Variants in MCMBP observed in about 807,000 individuals in gnomAD.
MCMBP encodes the protein minichromosome maintenance complex binding protein, also known as mini-chromosome maintenance complex-binding protein.
MCMBP carries 31 observed loss-of-function variants against 81.3 expected under a neutral mutation model. The observed-to-expected ratio is 0.38, with a 90% CI of 0.29 to 0.51. MCMBP has a LOEUF of 0.51. MCMBP is among the 20% of genes least tolerant of loss of function. The pLI is 0.87. For synonymous variants in MCMBP, 267 were observed against 275.9 expected (o/e 0.97, Z 0.32); for missense variants, 645 against 772.1 (o/e 0.84, Z 1.95).
intron 5 of MCMBP, among the ~76,000 whole-genome samples, chr10:119,855,750 A>C (rs562505061): frequency 8.5e-5 from 13 of 152,226 alleles, no homozygotes; most frequent in Non-Finnish European, 1.8e-4. Context: ...GATGAAGCAG[A>C]AAACAGAAAA....
At chr10:119,837,211 T>C (rs1412246332) in intron 12 of MCMBP, among the ~76,000 whole-genome samples, 182 bp from the exon 13 acceptor site, 1 of 152,106 alleles carries the variant, frequency 6.6e-6, no homozygotes, top group Non-Finnish European at 1.5e-5. Flanking sequence ...TTGGTCAAGG[T>C]AGAACTTTCT....
intron 12 of MCMBP, among the ~76,000 whole-genome samples, chr10:119,837,885 A>G (rs1161911958): frequency 2.0e-5 from 3 of 152,136 alleles, no homozygotes; most frequent in Non-Finnish European, 4.4e-5. Flanking sequence ...TTAAAAAGCT[A>G]TTTGGGGCAG....
chr10:119,845,776 T>C (rs1412795132), intron 8 of MCMBP, among the ~76,000 whole-genome samples: 1 of 152,128 alleles, frequency 6.6e-6, no homozygotes, highest in African/African-American at 2.4e-5. Flanking sequence ...TGTAGTGGTA[T>C]GGGTTACCAA....
chr10:119,842,442 C>T, intron 10 of MCMBP, 30 bp downstream of exon 10: 1 of 1,596,030 alleles, frequency 6.3e-7, no homozygotes, highest in Non-Finnish European at 8.5e-7. Flanking sequence ...CACCAAACTC[C>T]CCTAATTCCC....
At chr10:119,846,556 T>C (rs1852627292) in intron 8 of MCMBP, among the ~76,000 whole-genome samples, 1 of 152,174 alleles carries the variant, frequency 6.6e-6, no homozygotes, top group Non-Finnish European at 1.5e-5. Flanking sequence ...AAATGTAACT[T>C]TACAGAAGAG....
At chr10:119,849,014 C>A (rs1852716717) in intron 7 of MCMBP, among the ~76,000 whole-genome samples, 1 of 152,144 alleles carries the variant, frequency 6.6e-6, no homozygotes, top group Admixed American at 6.5e-5. Flanking sequence ...GGGGGATTAT[C>A]CTCGATTAAC....
rs561396301 is a variant in MCMBP at position 119,864,453 on chromosome 10, C to T, written c.59-4569G>A. Among the ~76,000 whole-genome samples, 24 of 151,298 alleles carry T rather than the reference C, an allele frequency of 1.6e-4. No individual in the cohort carries two copies. The South Asian group carries it at 2.5e-3, about 16-fold the overall frequency. On this transcript the variant is annotated intron_variant, in intron 1 of 15. Coordinates refer to ENST00000369077, the MANE Select transcript of MCMBP (RefSeq NM_001256378.2). The stretch of plus-strand genomic sequence containing the variant: ...ATCCTTTTCATGCCTGTACAGTCTA[C>T]GGTGGTTATCTCCTCTTTCTTTTCT...
At chr10:119,850,747 T>A (rs1194799697) in intron 6 of MCMBP, among the ~76,000 whole-genome samples, 13 of 118,026 alleles carry the variant, frequency 1.1e-4, no homozygotes, top group Middle Eastern at 4.4e-3. Context: ...AGACTCCGTC[T>A]AAAAAAAAAA....
chr10:119,855,528 C>T (rs1194943801), intron 5 of MCMBP, among the ~76,000 whole-genome samples: 3 of 151,956 alleles, frequency 2.0e-5, no homozygotes, highest in Non-Finnish European at 2.9e-5. Flanking sequence ...AACAATTAGC[C>T]GGGCATGGTG....
At position 119,871,652 on chromosome 10, in the gene MCMBP, A is replaced by G. The variant is rs79866372; in HGVS notation, c.58+875T>C. ...CCCAAGATGTTTTTTTCAATGAGCT[A>G]AGGCCGCTCTACAACTCTAAGTTAA... On this transcript the variant is annotated intron_variant, in intron 1 of 15. Transcript: ENST00000369077. 7.2e-5 allele frequency among the ~76,000 whole-genome samples: 11 copies of G among 152,186 alleles called. 1 individual carries two copies. Among genetic ancestry groups the G allele is most frequent in the African/African-American group, 2.6e-4 (11 of 41,514 alleles).
At position 119,836,931 on chromosome 10, in the gene MCMBP, C is replaced by T. The variant is rs573655485; in HGVS notation, c.1507G>A (p.Val503Ile). The change falls in exon 13 of 16, where the codon GTT (valine) becomes ATT (isoleucine). Residue 503 changes from valine (V) to isoleucine (I), a missense_variant. Val to Ile is a conservative substitution (Grantham distance 29). Transcript: ENST00000369077. ...GACCTCCCCTCCGAAGTAATGAAAACGTTAATATTGCAGGGGAATTCCATC... is the reference window on the plus strand; with the variant it reads ...GACCTCCCCTCCGAAGTAATGAAAATGTTAATATTGCAGGGGAATTCCATC... ...HQMEFPCNIN[V>I]FITSEGRSLL... 10 of 1,613,404 alleles carry T rather than the reference C, an allele frequency of 6.2e-6. No homozygotes were observed. The highest frequency in any genetic ancestry group is 4.4e-5 in the South Asian group (4 of 90,988).
At chr10:119,848,809 A>G (rs945222172) in intron 7 of MCMBP, among the ~76,000 whole-genome samples, 2 of 152,206 alleles carry the variant, frequency 1.3e-5, no homozygotes, top group Admixed American at 1.3e-4. Context: ...TATAAGTGAA[A>G]AATAGGTTTT....
At position 119,835,533 on chromosome 10, in the gene MCMBP, G is replaced by A. The variant is rs369036786; in HGVS notation, c.1707+7C>T. 1.9e-6 allele frequency: 3 copies of A among 1,610,914 alleles called. No homozygotes were observed. Among genetic ancestry groups the A allele is most frequent in the Non-Finnish European group, 1.7e-6 (2 of 1,177,486 alleles). Reference sequence around the variant, plus strand: ...CAGGGAAATCCTTTATTTTAACCTAGACATACCTTGGTTATTTCATCAGAT... The same window carrying A: ...CAGGGAAATCCTTTATTTTAACCTAAACATACCTTGGTTATTTCATCAGAT... On this transcript the variant is annotated splice_region_variant and intron_variant, in intron 14 of 15. Transcript: ENST00000369077.
In MCMBP at chr10:119,830,888, T is replaced by C. The variant is rs1485020961; in HGVS notation, c.*586A>G. On this transcript the variant is annotated 3_prime_UTR_variant, in exon 16 of 16. Coordinates refer to ENST00000369077, the MANE Select transcript of MCMBP (RefSeq NM_001256378.2). Reference sequence around the variant, plus strand: ...CTGGGAACCACTGCCATGTACAAGTTTAGTTTTGCAGGCTGTTAACAAATG... The same window carrying C: ...CTGGGAACCACTGCCATGTACAAGTCTAGTTTTGCAGGCTGTTAACAAATG... The C allele has an allele frequency of 6.6e-6, 1 of 152,616 alleles. No homozygotes were observed. The highest frequency in any genetic ancestry group is 1.5e-5 in the Non-Finnish European group (1 of 68,058). The allele number at this position is 152,616 out of a possible 1,614,324, so 9.5% of individuals were successfully genotyped here.
intron 14 of MCMBP, 40 bp from the exon 15 acceptor site, chr10:119,832,140 T>A (rs1852071057): frequency 6.4e-7 from 1 of 1,571,516 alleles, no homozygotes; most frequent in Non-Finnish European, 8.7e-7. Flanking sequence ...TGCATTTTTG[T>A]AAGGAAAAGA....
chr10:119,855,845 G>C (rs1319119829), intron 5 of MCMBP, among the ~76,000 whole-genome samples: 1 of 152,170 alleles, frequency 6.6e-6, no homozygotes. Flanking sequence ...AAAATACTCT[G>C]ACAAGTTTTA....
At chr10:119,863,118 T>C (rs761491043) in intron 1 of MCMBP, among the ~76,000 whole-genome samples, 5 of 152,304 alleles carry the variant, frequency 3.3e-5, no homozygotes, top group East Asian at 1.9e-4. Context: ...ATGCTCCTAA[T>C]AGAATTTTTT....
At position 119,872,817 on chromosome 10, in the gene MCMBP, G is replaced by C. The variant is rs1179653534; in HGVS notation, c.-233C>G. Reference sequence around the variant, plus strand: ...TGGCGACAGTCAGGCGGGCGCGTACGGGCCCCTAGCCTTCACTTCGCACAA... The same window carrying C: ...TGGCGACAGTCAGGCGGGCGCGTACCGGCCCCTAGCCTTCACTTCGCACAA... On this transcript the variant is annotated 5_prime_UTR_variant, in exon 1 of 16. Transcript: ENST00000369077. 1.2e-5 allele frequency: 2 copies of C among 167,562 alleles called. No homozygotes were observed. The highest frequency in any genetic ancestry group is 2.0e-4 in the South Asian group (1 of 4,986). 10.4% of individuals were successfully genotyped at this position (167,562 alleles called of 1,614,324 possible).
intron 7 of MCMBP, among the ~76,000 whole-genome samples, chr10:119,848,561 C>T (rs61675756): frequency 4.3e-4 from 65 of 151,998 alleles, no homozygotes; most frequent in African/African-American, 1.5e-3. Flanking sequence ...TGCAGTGAGC[C>T]GAGATCGTGC....
Sources: allele counts gnomAD v4.1 joint callset (sites outside exome capture counted in the v4.1 genomes callset), GRCh38; gene constraint gnomAD v4.1.1; transcripts MANE v1.5; gene names NCBI Gene and HGNC (gene_info 2026-07-23, HGNC 2026-07-21).